ITGA1: variants seen among roughly 807,000 people sequenced by gnomAD.
ITGA1 encodes the protein integrin alpha-1.
ITGA1 carries 85 observed loss-of-function variants against 145.9 expected under a neutral mutation model. The observed-to-expected ratio is 0.58, with a 90% CI of 0.49 to 0.70. The LOEUF (loss-of-function observed/expected upper bound fraction) is 0.70. Among genes scored for constraint, ITGA1 ranks in the 30% least tolerant of loss-of-function variants. ITGA1 has a pLI of 0.00. For missense variants in ITGA1, 1,351 were observed against 1,418.7 expected (o/e 0.95, Z 0.77); for synonymous variants, 520 against 495.3 (o/e 1.05, Z -0.66).
At position 52,900,744 on chromosome 5, in the gene ITGA1, C is replaced by T. The variant is rs138602093; in HGVS notation, c.1309+2361C>T. The stretch of plus-strand genomic sequence containing the variant: ...TATGGCTTTAGGCAAATTACTCTCC[C>T]CCTCAAAGCCTCAATTTTCCTATTT... On this transcript the variant is annotated intron_variant, in intron 11 of 28. Transcript: ENST00000282588. Among the ~76,000 whole-genome samples, 146 of 152,212 alleles carry T rather than the reference C, an allele frequency of 9.6e-4. 1 individual carries two copies. The highest frequency in any genetic ancestry group is 3.3e-3 in the African/African-American group (138 of 41,522).
chr5:52,834,679 G>C (rs567360527), intron 1 of ITGA1, among the ~76,000 whole-genome samples: 5 of 151,258 alleles, frequency 3.3e-5, no homozygotes, highest in Middle Eastern at 6.8e-3. Context: ...GAAAGAAAGA[G>C]AAAGAAAGAA....
intron 3 of ITGA1, 32 bp downstream of exon 3, chr5:52,861,591 C>A: frequency 7.5e-7 from 1 of 1,328,398 alleles, no homozygotes; most frequent in Non-Finnish European, 1.1e-6. Context: ...TGGTTTTAGG[C>A]CAGGTGCGGT....
At chr5:52,905,662 C>T in intron 11 of ITGA1, 101 bp from the exon 12 acceptor site, 1 of 962,764 alleles carries the variant, frequency 1.0e-6, no homozygotes, top group Non-Finnish European at 1.5e-6. Flanking sequence ...AAAATATAAC[C>T]ATATAAAAAT....
At chr5:52,800,096 A>G (rs1024758913) in intron 1 of ITGA1, 3 of 363,788 alleles carry the variant, frequency 8.2e-6, no homozygotes, top group Non-Finnish European at 1.5e-5. Flanking sequence ...ATGCGCCTTC[A>G]TTTCGTCAGC....
intron 26 of ITGA1, among the ~76,000 whole-genome samples, chr5:52,944,109 G>C (rs1390859943): frequency 2.0e-5 from 3 of 152,158 alleles, no homozygotes; most frequent in African/African-American, 7.2e-5. Context: ...CCTGGGGCTA[G>C]AGCCTCTCTG....
At position 52,910,612 on chromosome 5, in the gene ITGA1, A is replaced by G. The variant is rs574776649; in HGVS notation, c.1857+193A>G. ...ATACACACACAAACAAACTATAAAT[A>G]TACACATAGTATGTATATAGTATAT... On this transcript the variant is annotated intron_variant, in intron 14 of 28. Transcript: ENST00000282588. Among the ~76,000 whole-genome samples the G allele has an allele frequency of 2.0e-3, 298 of 149,422 alleles. 1 individual carries two copies. Among genetic ancestry groups the G allele is most frequent in the African/African-American group, 7.1e-3 (291 of 40,906 alleles).
intron 12 of ITGA1, among the ~76,000 whole-genome samples, chr5:52,907,957 T>C (rs1750437313): frequency 6.6e-6 from 1 of 152,244 alleles, no homozygotes; most frequent in African/African-American, 2.4e-5. Flanking sequence ...AGAAGCAATG[T>C]CTAGGACTGT....
chr5:52,901,870 G>T (rs1013843821), intron 11 of ITGA1: 1 of 152,100 alleles, frequency 6.6e-6, no homozygotes, highest in African/African-American at 2.4e-5. Flanking sequence ...TTCTGTTTCA[G>T]AAATTATTTC....
At chr5:52,790,587 G>A (rs6886608) in intron 1 of ITGA1, among the ~76,000 whole-genome samples, 11,906 of 152,090 alleles carry the variant, frequency 0.078, 1,537 homozygotes, top group African/African-American at 0.27. Context: ...CTTCAACCGA[G>A]CAGGGTAGAA....
At chr5:52,823,911 C>G (rs1284472694) in intron 1 of ITGA1, among the ~76,000 whole-genome samples, 1 of 152,146 alleles carries the variant, frequency 6.6e-6, no homozygotes, top group Non-Finnish European at 1.5e-5. Flanking sequence ...ATATTATCAA[C>G]GTTTGCCAAT....
At chr5:52,904,911 T>G (rs768317395) in intron 11 of ITGA1, 2 of 151,292 alleles carry the variant, frequency 1.3e-5, no homozygotes, top group Non-Finnish European at 2.9e-5. Flanking sequence ...AAGCTCTGTG[T>G]TGAATAAAGT....
intron 1 of ITGA1, among the ~76,000 whole-genome samples, chr5:52,847,739 G>A (rs1749360031): frequency 6.6e-6 from 1 of 151,832 alleles, no homozygotes; most frequent in Admixed American, 6.5e-5. Flanking sequence ...ATTTTTAGTA[G>A]AGATGGGATT....
At chr5:52,800,050 G>C (rs1256655510) in intron 1 of ITGA1, 3 of 317,082 alleles carry the variant, frequency 9.5e-6, no homozygotes, top group South Asian at 3.3e-5. Flanking sequence ...TTTGGGGACG[G>C]GAGACGTGCG....
intron 26 of ITGA1, among the ~76,000 whole-genome samples, chr5:52,943,935 G>A (rs752803641): frequency 6.6e-6 from 1 of 152,202 alleles, no homozygotes; most frequent in Non-Finnish European, 1.5e-5. Context: ...AAGTACTCAG[G>A]TGGGGCGCAG....
At chr5:52,859,870 T>G (rs1323306487) in intron 2 of ITGA1, among the ~76,000 whole-genome samples, 1 of 152,240 alleles carries the variant, frequency 6.6e-6, no homozygotes, top group African/African-American at 2.4e-5. Flanking sequence ...ACAGGGGGAC[T>G]ATCACTGCTT....
chr5:52,873,722 C>A (rs892778192), intron 6 of ITGA1, among the ~76,000 whole-genome samples: 7 of 152,182 alleles, frequency 4.6e-5, no homozygotes, highest in African/African-American at 1.7e-4. Flanking sequence ...AGGAAATATA[C>A]ATTGGCCAGA....
chr5:52,938,110 C>A (rs1579730200), intron 24 of ITGA1, among the ~76,000 whole-genome samples: 2 of 152,120 alleles, frequency 1.3e-5, no homozygotes, highest in South Asian at 4.1e-4. Flanking sequence ...TCTTTGGGGA[C>A]CACTATTCAA....
rs1230961863 is a variant in ITGA1, at chr5:52,957,246, T to C, written c.*4795T>C. ...ATCTCCACCCAGGAAGTCCAGTTCC[T>C]AACTAATGGGAATGGATCCTTTTCC... On this transcript the variant is annotated 3_prime_UTR_variant, in exon 29 of 29. Coordinates refer to ENST00000282588, the MANE Select transcript of ITGA1 (RefSeq NM_181501.2). 6.6e-6 allele frequency: 1 copy of C among 152,184 alleles called. No homozygotes were observed. The highest frequency in any genetic ancestry group is 1.5e-5 in the Non-Finnish European group (1 of 68,066). The allele number at this position is 152,184 out of a possible 1,614,324, so 9.4% of individuals were successfully genotyped here. A position where few individuals can be genotyped will look rare whatever the true frequency, so the allele number is the denominator to read the frequency against.
At chr5:52,909,934 T>G (rs576453809) in intron 13 of ITGA1, among the ~76,000 whole-genome samples, 2 of 152,146 alleles carry the variant, frequency 1.3e-5, no homozygotes, top group Admixed American at 6.5e-5. Flanking sequence ...GTATACTCAA[T>G]TGCATTAAAA....
Sources: allele counts gnomAD v4.1 joint callset (sites outside exome capture counted in the v4.1 genomes callset), GRCh38; gene constraint gnomAD v4.1.1; transcripts MANE v1.5; gene names NCBI Gene and HGNC (gene_info 2026-07-23, HGNC 2026-07-21).